Variants in SYCP2 observed in about 807,000 individuals in gnomAD.
The protein encoded by SYCP2 is synaptonemal complex lateral element protein.
In SYCP2, 55 loss-of-function variants were observed where a neutral mutation model predicts 211.3. The ratio of observed to expected loss-of-function variants is 0.26; its 90% CI spans 0.21 to 0.33. The LOEUF (loss-of-function observed/expected upper bound fraction) is 0.33. Among genes scored for constraint, SYCP2 ranks in the 10% least tolerant of loss-of-function variants. The probability of loss-of-function intolerance (pLI) is 1.00; values close to 1 mark genes in which losing one functional copy is unlikely to be tolerated. For synonymous variants in SYCP2, 570 were observed against 555.2 expected (o/e 1.03, Z -0.37); for missense variants, 1,731 against 1,752.0 (o/e 0.99, Z 0.21).
chr20:59,910,287 C>A (rs1317008177), intron 14 of SYCP2, among the ~76,000 whole-genome samples: 1 of 151,494 alleles, frequency 6.6e-6, no homozygotes, highest in African/African-American at 2.4e-5. Flanking sequence ...GCATCTTGAT[C>A]AGTGTCTGGA....
chr20:59,921,266 T>G (rs1041861321), intron 4 of SYCP2, 44 bp downstream of exon 4: 16 of 1,534,340 alleles, frequency 1.0e-5, no homozygotes, highest in African/African-American at 4.2e-5. Context: ...ACTAGAGTTC[T>G]ATCTAATAAT....
intron 24 of SYCP2, among the ~76,000 whole-genome samples, chr20:59,888,237 C>T (rs958614581): frequency 6.6e-6 from 1 of 151,988 alleles, no homozygotes; most frequent in Non-Finnish European, 1.5e-5. Flanking sequence ...AACACATACA[C>T]AAAAATCCGC....
chr20:59,904,850 A>G (rs2060184918), intron 15 of SYCP2, among the ~76,000 whole-genome samples: 2 of 152,128 alleles, frequency 1.3e-5, no homozygotes, highest in South Asian at 4.1e-4. Context: ...AGAAGGCAAA[A>G]GGGGAGTAGG....
intron 24 of SYCP2, among the ~76,000 whole-genome samples, chr20:59,889,654 C>T (rs756606604): frequency 2.9e-4 from 44 of 151,836 alleles, no homozygotes; most frequent in Admixed American, 5.3e-4. Flanking sequence ...ATTAATGTCC[C>T]CTTAAGATTA....
Position 59,874,018 on chromosome 20 carries a change from G to C in SYCP2, c.3393C>G (p.Asp1131Glu). 6.2e-7 allele frequency: 1 copy of C among 1,609,962 alleles called. No homozygotes were observed. Among genetic ancestry groups the C allele is most frequent in the Non-Finnish European group, 8.5e-7 (1 of 1,178,038 alleles). ...AAGGTGATATAGATTTTGTTATGCAGTCATAATCCTGAGTAAAATCCTTTT... is the reference window on the plus strand; with the variant it reads ...AAGGTGATATAGATTTTGTTATGCACTCATAATCCTGAGTAAAATCCTTTT... ...ITEKDFTQDY[D>E]CITKSISPYP... Residue 1131 changes from aspartate to glutamate, a missense_variant, in exon 35 of 45, where the codon GAC (aspartate) becomes GAG (glutamate). Asp to Glu is a conservative substitution (Grantham distance 45). Coordinates refer to ENST00000357552, the MANE Select transcript of SYCP2 (RefSeq NM_014258.4).
Position 59,895,611 on chromosome 20 carries a change from C to A in SYCP2, c.1505-14G>T. 6.2e-7 allele frequency: 1 copy of A among 1,607,104 alleles called. No homozygotes were observed. The highest frequency in any genetic ancestry group is 1.3e-5 in the African/African-American group (1 of 74,652). ...GTGGTGGTATTGCTAAAAAGGAGGA[C>A]AAGGATTGCAGATTTTTCTTTTTTT... On this transcript the variant is annotated splice_polypyrimidine_tract_variant and intron_variant, in intron 19 of 44. Coordinates refer to ENST00000357552, the MANE Select transcript of SYCP2 (RefSeq NM_014258.4).
At chr20:59,885,561 T>TA (rs1395240874) in intron 26 of SYCP2, among the ~76,000 whole-genome samples, 3 of 151,780 alleles carry the variant, frequency 2.0e-5, no homozygotes, top group African/African-American at 7.3e-5. Flanking sequence ...GGATAAAGAG[T>TA]AAAGGTTTTT....
chr20:59,923,741 T>C (rs540525949), intron 2 of SYCP2, among the ~76,000 whole-genome samples: 2 of 151,904 alleles, frequency 1.3e-5, no homozygotes, highest in South Asian at 2.1e-4. Flanking sequence ...ATTTCTAAGG[T>C]AACCACTAAA....
rs889728589 is a variant in SYCP2 at position 59,878,052 on chromosome 20, T to C, written c.2942-7A>G. The C allele has an allele frequency of 1.9e-6, 3 of 1,595,140 alleles. No homozygotes were observed. The highest frequency in any genetic ancestry group is 2.6e-6 in the Non-Finnish European group (3 of 1,168,218). ...CCCTTTTCCAAGGATGATCCTGTAA[T>C]TCAGAAAAATAAGGTTAAATTTTCA... On this transcript the variant is annotated splice_polypyrimidine_tract_variant and splice_region_variant and intron_variant, in intron 31 of 44. Coordinates refer to ENST00000357552, the MANE Select transcript of SYCP2 (RefSeq NM_014258.4).
rs187821055 is a variant in SYCP2, at chr20:59,896,538, C to T, written c.1405-10G>A. 154 of 1,455,780 alleles carry T rather than the reference C, an allele frequency of 1.1e-4. No individual in the cohort carries two copies. The African/African-American group carries it at 1.8e-3, about 17-fold the overall frequency. The allele number at this position is 1,455,780 out of a possible 1,614,324, so 90.2% of individuals were successfully genotyped here. Reference sequence around the variant, plus strand: ...TGCTAGGAGTAGTTTTCTGAAACCACGATGAAAAACAACCACTGTAAACAC... The same window carrying T: ...TGCTAGGAGTAGTTTTCTGAAACCATGATGAAAAACAACCACTGTAAACAC... On this transcript the variant is annotated splice_polypyrimidine_tract_variant and intron_variant, in intron 18 of 44. Coordinates refer to ENST00000357552, the MANE Select transcript of SYCP2 (RefSeq NM_014258.4).
intron 31 of SYCP2, among the ~76,000 whole-genome samples, chr20:59,878,608 TA>T (rs1436869553): frequency 6.6e-6 from 1 of 152,140 alleles, no homozygotes; most frequent in Non-Finnish European, 1.5e-5. Flanking sequence ...TCCCTTCTGC[TA>T]AAAGGTAATT....
chr20:59,927,014 C>T (rs1202212548), intron 2 of SYCP2, among the ~76,000 whole-genome samples: 1 of 152,074 alleles, frequency 6.6e-6, no homozygotes, highest in Non-Finnish European at 1.5e-5. Flanking sequence ...TGGCATTGGA[C>T]AAACAGTTTC....
intron 14 of SYCP2, among the ~76,000 whole-genome samples, chr20:59,910,371 C>CTTTTT (rs1300245848): frequency 5.0e-5 from 6 of 119,198 alleles, no homozygotes; most frequent in African/African-American, 2.4e-4. Flanking sequence ...AGTGTAATTG[C>CTTTTT]TTATTTTTTT....
Position 59,877,406 on chromosome 20 carries a change from A to C in SYCP2, c.3129T>G (p.Phe1043Leu), listed in dbSNP as rs1315031704. 1.3e-6 allele frequency: 2 copies of C among 1,589,930 alleles called. No homozygotes were observed. Among genetic ancestry groups the C allele is most frequent in the Non-Finnish European group, 1.7e-6 (2 of 1,173,446 alleles). ...SECEQEFSHS[F>L]KENIPVKEEN... is the part of the protein sequence containing the mutation. ...TTACCTTTACTGGTATGTTCTCTTT[A>C]AATGAATGTGAAAATTCTTGTTCAC... The change falls in exon 33 of 45, where the codon TTT becomes TTG. Residue 1043 changes from phenylalanine to leucine, a missense_variant. This residue lies in a region of SYCP2 where 1,387 missense variants were observed against 1,351.3 expected (regional missense o/e 1.03). Transcript: ENST00000357552.
chr20:59,872,570 G>A (rs1478400578), intron 35 of SYCP2, among the ~76,000 whole-genome samples: 2 of 151,926 alleles, frequency 1.3e-5, no homozygotes, highest in East Asian at 1.9e-4. Context: ...AGGTATGTAT[G>A]TATAGGAAAA....
chr20:59,925,217 G>A (rs1325555240), intron 2 of SYCP2, among the ~76,000 whole-genome samples: 1 of 151,960 alleles, frequency 6.6e-6, no homozygotes, highest in African/African-American at 2.4e-5. Flanking sequence ...GTGCCTGGTG[G>A]GGCAGCAGGA....
intron 20 of SYCP2, 100 bp downstream of exon 20, chr20:59,895,337 C>T: frequency 9.9e-7 from 1 of 1,005,944 alleles, no homozygotes. Context: ...ATGCTTTAAA[C>T]AAAATGAGAC....
intron 21 of SYCP2, 105 bp from the exon 22 acceptor site, chr20:59,893,304 CG>C: frequency 2.4e-6 from 2 of 816,902 alleles, no homozygotes; most frequent in Non-Finnish European, 3.8e-6. Flanking sequence ...TTGGGATGAA[CG>C]GATTGATCGA....
At chr20:59,914,678 A>G (rs1330489395) in intron 10 of SYCP2, among the ~76,000 whole-genome samples, 1 of 151,354 alleles carries the variant, frequency 6.6e-6, no homozygotes, top group Non-Finnish European at 1.5e-5. Flanking sequence ...ATTCATTCAC[A>G]AAAAGCTTAG....
Sources: gnomAD v4.1 joint callset for allele counts (sites outside exome capture counted in the v4.1 genomes callset) on GRCh38, gnomAD v4.1.1 for gene constraint, gnomAD v4.1.1 regional missense constraint, MANE v1.5 for transcripts, NCBI Gene and HGNC (gene_info 2026-07-23, HGNC 2026-07-21) for gene names.